Variants in SPTBN2 observed in about 807,000 individuals in gnomAD.
SPTBN2 encodes the protein spectrin beta chain, non-erythrocytic 2.
In SPTBN2, 107 loss-of-function variants were observed where a neutral mutation model predicts 284.2. The ratio of observed to expected loss-of-function variants is 0.38; its 90% CI spans 0.32 to 0.44. The LOEUF (loss-of-function observed/expected upper bound fraction) is 0.44. Ranked by LOEUF, SPTBN2 falls within the 20% of genes least tolerant of loss-of-function variation. SPTBN2 has a pLI of 1.00. For synonymous variants in SPTBN2, 1,289 were observed against 1,354.8 expected (o/e 0.95, Z 1.07); for missense variants, 2,569 against 3,287.1 (o/e 0.78, Z 5.34).
intron 1 of SPTBN2, among the ~76,000 whole-genome samples, chr11:66,737,216 G>A (rs962319042): frequency 6.6e-6 from 1 of 152,104 alleles, no homozygotes; most frequent in South Asian, 2.1e-4. Flanking sequence ...ATGTTAAAGG[G>A]GGAGATTATT....
intron 1 of SPTBN2, among the ~76,000 whole-genome samples, chr11:66,721,757 C>T (rs1393122535): frequency 1.3e-5 from 2 of 152,096 alleles, no homozygotes; most frequent in African/African-American, 2.4e-5. Context: ...AGAAAAAGAC[C>T]CAGATTTGTT....
At chr11:66,737,511 G>C (rs1212803927) in intron 1 of SPTBN2, among the ~76,000 whole-genome samples, 1 of 152,146 alleles carries the variant, frequency 6.6e-6, no homozygotes, top group Non-Finnish European at 1.5e-5. Flanking sequence ...GGCAGATCTG[G>C]GACCAATGGG....
In SPTBN2 at chr11:66,710,782, AGACAGGGACGT is replaced by A; in HGVS notation, c.886-24_886-14del. 6.2e-7 allele frequency: 1 copy of A among 1,613,710 alleles called. No homozygotes were observed. Among genetic ancestry groups the A allele is most frequent in the Non-Finnish European group, 8.5e-7 (1 of 1,180,026 alleles). On this transcript the variant is annotated splice_polypyrimidine_tract_variant and intron_variant, in intron 9 of 37. Coordinates refer to ENST00000533211, the MANE Select transcript of SPTBN2 (RefSeq NM_006946.4). This position sits in a 1 kb window ranked among gnomAD's most constrained non-coding sequence, Gnocchi z 4.9. ...CATGGTCCAGCACCTGGGAGGCAGA[AGACAGGGACGT>A]GACAGTCCCAGCCACAGGGTCCCTG...
chr11:66,690,274 C>T lies in SPTBN2; in HGVS notation c.5575G>A (p.Val1859Met), dbSNP rs773537013. 1.2e-6 allele frequency: 2 copies of T among 1,607,208 alleles called. No homozygotes were observed. Among genetic ancestry groups the T allele is most frequent in the Non-Finnish European group, 1.7e-6 (2 of 1,177,432 alleles). Residue 1859 changes from valine to methionine, a missense_variant, in exon 28 of 38, where the codon GTG becomes ATG. Transcript: ENST00000533211. ...IQALSPQVQQVQDDGHRLQKA... is the reference protein window; with the variant it reads ...IQALSPQVQQMQDDGHRLQKA... ...TGGAGCCGGTGGCCGTCGTCCTGCA[C>T]CTGCTGGACCTGCGGAGCCCCGGGT...
At chr11:66,692,437 A>T in intron 26 of SPTBN2, 99 bp downstream of exon 26, 1 of 1,438,190 alleles carries the variant, frequency 7.0e-7, no homozygotes, top group Non-Finnish European at 9.6e-7. Flanking sequence ...CTTGCCCCTT[A>T]GCCCCTCAGT....
Position 66,692,434 on chromosome 11 carries a change from C to G in SPTBN2, c.5190+102G>C, listed in dbSNP as rs1940622102. 22 of 1,432,090 alleles carry G rather than the reference C, an allele frequency of 1.5e-5. No individual in the cohort carries two copies. The South Asian group carries it at 2.6e-4, about 17-fold the overall frequency. The allele number at this position is 1,432,090 out of a possible 1,614,324, so 88.7% of individuals were successfully genotyped here. A position where few individuals can be genotyped will look rare whatever the true frequency, so the allele number is the denominator to read the frequency against. ...GTGCCTGCTCAGCCTGGTCTTGCCCCTTAGCCCCTCAGTGCTCTGCCTGGG... is the reference window on the plus strand; with the variant it reads ...GTGCCTGCTCAGCCTGGTCTTGCCCGTTAGCCCCTCAGTGCTCTGCCTGGG... On this transcript the variant is annotated intron_variant, in intron 26 of 37. Transcript: ENST00000533211.
rs545190212 is a variant in SPTBN2, at chr11:66,687,656, G to A, written c.6502-9C>T. The A allele has an allele frequency of 9.5e-6, 15 of 1,586,776 alleles. No individual in the cohort carries two copies. In the Admixed American group the frequency reaches 1.2e-4, roughly 13 times the overall value. On this transcript the variant is annotated splice_polypyrimidine_tract_variant and intron_variant, in intron 34 of 37. Coordinates refer to ENST00000533211, the MANE Select transcript of SPTBN2 (RefSeq NM_006946.4). This position sits in a 1 kb window ranked among gnomAD's most constrained non-coding sequence, Gnocchi z 5.2. The stretch of plus-strand genomic sequence containing the variant: ...TCCCCTGAGCCAGGTCCCTGGGGGG[G>A]AATCAGTGTCAGTGTCAAAGGTTGA...
chr11:66,700,615 C>G lies in SPTBN2; in HGVS notation c.3484G>C (p.Glu1162Gln). The G allele has an allele frequency of 6.2e-7, 1 of 1,608,230 alleles. No individual in the cohort carries two copies. Among genetic ancestry groups the G allele is most frequent in the South Asian group, 1.1e-5 (1 of 91,092 alleles). Reference protein sequence around the residue: ...TGWEELGRMWESRQGRLAQAH... With the variant: ...TGWEELGRMWQSRQGRLAQAH... ...TGGGCCAGGCGACCTTGCCGGCTCTCCCACATTCGGCCCAGCTCCTCCCAG... is the reference window on the plus strand; with the variant it reads ...TGGGCCAGGCGACCTTGCCGGCTCTGCCACATTCGGCCCAGCTCCTCCCAG... Residue 1162 changes from glutamate (E) to glutamine (Q), a missense_variant, in exon 17 of 38, where the codon GAG becomes CAG. Glu to Gln is a conservative substitution (Grantham distance 29). Transcript: ENST00000533211. The surrounding 1 kb of genome is among the most constrained non-coding windows in gnomAD (Gnocchi z 6.6).
rs533583525 is a variant in SPTBN2, at chr11:66,691,987, T to C, written c.5191-329A>G. Reference sequence around the variant, plus strand: ...TGTCGGGGGGGTGGATCATACTCCGTTTTGTTGAATTCTGTTGAAAAGTGT... The same window carrying C: ...TGTCGGGGGGGTGGATCATACTCCGCTTTGTTGAATTCTGTTGAAAAGTGT... On this transcript the variant is annotated intron_variant, in intron 26 of 37. Coordinates refer to ENST00000533211, the MANE Select transcript of SPTBN2 (RefSeq NM_006946.4). The surrounding 1 kb of genome is among the most constrained non-coding windows in gnomAD (Gnocchi z 8.0). Among the ~76,000 whole-genome samples the C allele has an allele frequency of 1.3e-5, 2 of 152,232 alleles. No homozygotes were observed. Among genetic ancestry groups the C allele is most frequent in the South Asian group, 4.1e-4 (2 of 4,824 alleles).
chr11:66,704,370 GC>G (rs1172218811), intron 15 of SPTBN2, among the ~76,000 whole-genome samples: 4 of 152,226 alleles, frequency 2.6e-5, no homozygotes, highest in African/African-American at 9.6e-5. Flanking sequence ...ACCAAATAGA[GC>G]AAGATGTTGG....
chr11:66,717,641 G>A (rs1312733326), intron 3 of SPTBN2, among the ~76,000 whole-genome samples: 2 of 152,204 alleles, frequency 1.3e-5, no homozygotes, highest in South Asian at 2.1e-4. Context: ...CAGGAGGAGC[G>A]TGGGTCACAG....
intron 8 of SPTBN2, 88 bp from the exon 9 acceptor site, chr11:66,711,117 C>A: frequency 9.5e-7 from 1 of 1,051,552 alleles, no homozygotes; most frequent in South Asian, 1.3e-5. Context: ...CTGCCCAGTC[C>A]TCCAAGGCTG....
At position 66,700,750 on chromosome 11, in the gene SPTBN2, C is replaced by A; in HGVS notation, c.3349G>T (p.Ala1117Ser). The A allele has an allele frequency of 1.2e-6, 2 of 1,602,678 alleles. No individual in the cohort carries two copies. ...HAALRGEVER[A>S]QSEYSRLRAL... ...CGCAGCCGGCTATACTCGCTCTGGGCCCGCTCCACCTCTCCCCGCAGGGCT... is the reference window on the plus strand; with the variant it reads ...CGCAGCCGGCTATACTCGCTCTGGGACCGCTCCACCTCTCCCCGCAGGGCT... The change falls in exon 17 of 38, where the codon GCC becomes TCC. Residue 1117 changes from alanine (A) to serine (S), a missense_variant. This residue lies in a region of SPTBN2 where 1,012 missense variants were observed against 1,248.9 expected (regional missense o/e 0.81). Coordinates refer to ENST00000533211, the MANE Select transcript of SPTBN2 (RefSeq NM_006946.4). The surrounding 1 kb of genome is among the most constrained non-coding windows in gnomAD (Gnocchi z 6.6).
In SPTBN2 at chr11:66,685,604, C is replaced by T; in HGVS notation, c.*267G>A. 2.1e-6 allele frequency: 1 copy of T among 473,704 alleles called. No individual in the cohort carries two copies. 29.3% of individuals were successfully genotyped at this position (473,704 alleles called of 1,614,324 possible). On this transcript the variant is annotated 3_prime_UTR_variant, in exon 38 of 38. Transcript: ENST00000533211. This position sits in a 1 kb window ranked among gnomAD's most constrained non-coding sequence, Gnocchi z 4.4. ...TCCACACCGTGGTGAGGGACAGAGG[C>T]ACGAGGCTGGGGAAAGGGGAGAAGT...
intron 1 of SPTBN2, among the ~76,000 whole-genome samples, chr11:66,737,903 T>C (rs759181238): frequency 6.6e-6 from 1 of 152,110 alleles, no homozygotes; most frequent in Non-Finnish European, 1.5e-5. Flanking sequence ...AATACTAGAT[T>C]AAATGACCTT....
chr11:66,735,323 A>G (rs1942844105), intron 1 of SPTBN2, among the ~76,000 whole-genome samples: 3 of 151,518 alleles, frequency 2.0e-5, no homozygotes. Flanking sequence ...ACAGAGCAAG[A>G]CACCGTCTCA....
Position 66,696,497 on chromosome 11 carries a change from A to G in SPTBN2, c.4058T>C (p.Leu1353Pro), listed in dbSNP as rs761982189. ...LTLEKPELKA[L>P]VSEKLRDLHR... ...CAGGTCTCTCAGCTTCTCCGACACC[A>G]GGGCTTTCAGCTCTGGCTTCTCAAG... Residue 1353 changes from leucine to proline, a missense_variant, in exon 21 of 38, where the codon CTG becomes CCG. By Grantham distance (98) the Leu-to-Pro change is moderately conservative. Transcript: ENST00000533211. 51 of 1,612,116 alleles carry G rather than the reference A, an allele frequency of 3.2e-5. No homozygotes were observed. The highest frequency in any genetic ancestry group is 8.5e-7 in the Non-Finnish European group (1 of 1,180,024).
chr11:66,730,959 G>T (rs559017680), upstream of SPTBN2, among the ~76,000 whole-genome samples: 19 of 152,278 alleles, frequency 1.2e-4, 1 homozygote, highest in Non-Finnish European at 2.5e-4. Flanking sequence ...GAGTATAGCA[G>T]AATGGTTAAA....
At position 66,687,624 on chromosome 11, in the gene SPTBN2, G is replaced by A; in HGVS notation, c.6525C>T (p.Ala2175=). 1 of 1,601,288 alleles carries A rather than the reference G, an allele frequency of 6.2e-7. No individual in the cohort carries two copies. The highest frequency in any genetic ancestry group is 8.5e-7 in the Non-Finnish European group (1 of 1,173,826). Residue 2175 remains alanine, a synonymous_variant, in exon 35 of 38, where the codon GCC becomes GCT. Transcript: ENST00000533211. The surrounding 1 kb of genome is among the most constrained non-coding windows in gnomAD (Gnocchi z 5.2). ...TCTGCCTCTCTCCCCGGGGCCCATT[G>A]GCTTCGTCCCCTGAGCCAGGTCCCT... is the stretch of plus-strand genomic sequence containing the variant. The part of the protein sequence containing the change: ...EGPGPGSGDE[A]NGPRGERQTR...
Sources: allele counts gnomAD v4.1 joint callset (sites outside exome capture counted in the v4.1 genomes callset), GRCh38; gene constraint gnomAD v4.1.1; regional missense constraint gnomAD v4.1.1; non-coding constraint Gnocchi (gnomAD v3.1); transcripts MANE v1.5; gene names NCBI Gene and HGNC (gene_info 2026-07-23, HGNC 2026-07-21).